TAF1C: variants seen among roughly 807,000 people sequenced by gnomAD.
The protein encoded by TAF1C is TATA-box binding protein associated factor, RNA polymerase I subunit C, also known as TATA box-binding protein-associated factor RNA polymerase I subunit C.
TAF1C carries 79 observed loss-of-function variants against 70.5 expected under a neutral mutation model. The ratio of observed to expected loss-of-function variants is 1.12; its 90% CI spans 0.93 to 1.35. TAF1C has a LOEUF of 1.35. Among genes scored for constraint, TAF1C ranks in the 40% most tolerant of loss-of-function variants. TAF1C has a pLI of 0.00. For synonymous variants in TAF1C, 614 were observed against 491.1 expected (o/e 1.25, Z -3.31); for missense variants, 1,412 against 1,127.8 (o/e 1.25, Z -3.61).
chr16:84,181,110 A>C lies in TAF1C; in HGVS notation c.1241T>G (p.Leu414Arg), dbSNP rs1217919289. The C allele has an allele frequency of 6.2e-7, 1 of 1,613,282 alleles. No homozygotes were observed. The highest frequency in any genetic ancestry group is 1.1e-5 in the South Asian group (1 of 91,080). Residue 414 changes from leucine (L) to arginine (R), a missense_variant, in exon 12 of 15, where the codon CTT becomes CGT. Physicochemically the swap from Leu to Arg is moderately radical, Grantham distance 102. Coordinates refer to ENST00000566732, the MANE Select transcript of TAF1C (RefSeq NM_001243156.2). ...ASCQKGERVL[L>R]TQYLGHSSPK... is the part of the protein sequence containing the mutation. ...GCTGGAGTGCCCCAGGTACTGGGTA[A>C]GCAGGACACGTTCCCCTTTCTGGCA...
At position 84,181,435 on chromosome 16, in the gene TAF1C, T is replaced by G. The variant is rs986299451; in HGVS notation, c.1057A>C (p.Thr353Pro). 14 of 1,613,444 alleles carry G rather than the reference T, an allele frequency of 8.7e-6. No homozygotes were observed. The Middle Eastern group carries it at 6.6e-4, about 76-fold the overall frequency. The change falls in exon 11 of 15, where the codon ACC (threonine) becomes CCC (proline). Residue 353 changes from threonine (T) to proline (P), a missense_variant. By Grantham distance (38) the Thr-to-Pro change is conservative. Transcript: ENST00000566732. The stretch of plus-strand genomic sequence containing the variant: ...GAAGAGGAGTCCCGGAACACGAGGG[T>G]CTCAGGGTCCCTGTAGATTTGCCGC... ...GLRQIYRDPE[T>P]LVFRDSSSWR...
rs757700008 is a variant in TAF1C at position 84,181,947 on chromosome 16, C to T, written c.833G>A (p.Gly278Glu). ...VRQVVTCTVQ[G>E]ETLLAVRSDY... ...AGTGTATATAAGGGCCTTACTTTCT[C>T]CCTGGACGGTGCATGTCACCACTTG... The change falls in exon 8 of 15, where the codon GGA (glycine) becomes GAA (glutamate). Residue 278 changes from glycine (G) to glutamate (E), a missense_variant. Physicochemically the swap from Gly to Glu is moderately conservative, Grantham distance 98. Transcript: ENST00000566732. 6.2e-7 allele frequency: 1 copy of T among 1,613,998 alleles called. No individual in the cohort carries two copies. Among genetic ancestry groups the T allele is most frequent in the Non-Finnish European group, 8.5e-7 (1 of 1,180,032 alleles).
Position 84,179,224 on chromosome 16 carries a change from T to C in TAF1C, c.2249A>G (p.His750Arg). 2 of 1,584,500 alleles carry C rather than the reference T, an allele frequency of 1.3e-6. No homozygotes were observed. Among genetic ancestry groups the C allele is most frequent in the South Asian group, 1.1e-5 (1 of 88,940 alleles). Residue 750 changes from histidine (H) to arginine (R), a missense_variant, in exon 15 of 15, where the codon CAT becomes CGT. His to Arg is a conservative substitution (Grantham distance 29). Coordinates refer to ENST00000566732, the MANE Select transcript of TAF1C (RefSeq NM_001243156.2). The part of the protein sequence containing the change: ...VDPSEDTSSP[H>R]SPEWPPADAL... ...ATCAGCAGGTGGCCACTCAGGGCTA[T>C]GAGGGGAGCTGGTGTCCTCTGAGGG...
At chr16:84,184,191 G>C (rs1204434123) in intron 2 of TAF1C, among the ~76,000 whole-genome samples, 1 of 152,160 alleles carries the variant, frequency 6.6e-6, no homozygotes, top group Admixed American at 6.5e-5. Context: ...GGGATGTTTC[G>C]GCCCAGACAT....
At chr16:84,181,704 T>C (rs1377943264) in intron 9 of TAF1C, 41 bp from the exon 10 acceptor site, 8 of 1,613,742 alleles carry the variant, frequency 5.0e-6, no homozygotes, top group Non-Finnish European at 6.8e-6. Context: ...TGCTCAGCCC[T>C]GCCTCCAGCC....
At position 84,183,796 on chromosome 16, in the gene TAF1C, G is replaced by C. The variant is rs201750494; in HGVS notation, c.139-18C>G. On this transcript the variant is annotated intron_variant, in intron 2 of 14. Transcript: ENST00000566732. ...GCCCCATTCTGAAGGGAGGACAATC[G>C]CAAGGACAGTATCATGATGAATGCC... 3.8e-6 allele frequency: 6 copies of C among 1,598,524 alleles called. No individual in the cohort carries two copies. Among genetic ancestry groups the C allele is most frequent in the African/African-American group, 1.3e-5 (1 of 74,674 alleles).
chr16:84,179,631 C>T lies in TAF1C; in HGVS notation c.1842G>A (p.Leu614=). Residue 614 remains leucine, a synonymous_variant, in exon 15 of 15, where the codon CTG becomes CTA. Coordinates refer to ENST00000566732, the MANE Select transcript of TAF1C (RefSeq NM_001243156.2). The part of the protein sequence containing the change: ...SQDTAGCSQW[L]KALLKVPLAP... ...CCAGGGGCACTTTTAGCAGGGCCTT[C>T]AGCCACTGGCTGCAGCCGGCAGTGT... is the stretch of plus-strand genomic sequence containing the variant. 2 of 1,612,584 alleles carry T rather than the reference C, an allele frequency of 1.2e-6. No homozygotes were observed. The highest frequency in any genetic ancestry group is 1.7e-6 in the Non-Finnish European group (2 of 1,179,880).
At position 84,179,546 on chromosome 16, in the gene TAF1C, G is replaced by T. The variant is rs1178560154; in HGVS notation, c.1927C>A (p.Leu643Met). The change falls in exon 15 of 15, where the codon CTG (leucine) becomes ATG (methionine). Residue 643 changes from leucine (L) to methionine (M), a missense_variant. Physicochemically the swap from Leu to Met is conservative, Grantham distance 15. Transcript: ENST00000566732. ...TGCCCTTCCTCTTCCTCCCTCCGCA[G>T]CTCTGTGCTGCCCAGCATCTGGCGG... ...THRQMLGSTE[L>M]RREEEEGQRL... 6.2e-7 allele frequency: 1 copy of T among 1,611,654 alleles called. No homozygotes were observed. The highest frequency in any genetic ancestry group is 1.7e-5 in the Admixed American group (1 of 60,006).
At chr16:84,186,329 G>A (rs1324718837) in intron 1 of TAF1C, among the ~76,000 whole-genome samples, 1 of 152,224 alleles carries the variant, frequency 6.6e-6, no homozygotes, top group South Asian at 2.1e-4. Context: ...CAAGGCGGGC[G>A]GATCACCTGA....
chr16:84,180,609 G>A, intron 12 of TAF1C: 1 of 582,830 alleles, frequency 1.7e-6, no homozygotes, highest in Non-Finnish European at 2.8e-6. Context: ...AGCCTTGCCA[G>A]CAGAAACCTG....
chr16:84,179,345 G>T lies in TAF1C; in HGVS notation c.2128C>A (p.Gln710Lys). The change falls in exon 15 of 15, where the codon CAG (glutamine) becomes AAG (lysine). Residue 710 changes from glutamine to lysine, a missense_variant. By Grantham distance (53) the Gln-to-Lys change is moderately conservative. Coordinates refer to ENST00000566732, the MANE Select transcript of TAF1C (RefSeq NM_001243156.2). Reference sequence around the variant, plus strand: ...CCGGGCTCCGAGGTCCTGCCCTGCTGCCTCTCCCACCAGGCAGCCCCTCGG... The same window carrying T: ...CCGGGCTCCGAGGTCCTGCCCTGCTTCCTCTCCCACCAGGCAGCCCCTCGG... ...AGRGAAWWER[Q>K]QGRTSEPGRQ... The T allele has an allele frequency of 1.2e-6, 2 of 1,601,358 alleles. No homozygotes were observed.
intron 1 of TAF1C, chr16:84,185,324 C>T (rs2089422482): frequency 5.2e-6 from 1 of 192,212 alleles, no homozygotes; most frequent in African/African-American, 2.3e-5. Context: ...AAGAGGGTTC[C>T]AGGCCGAACG....
chr16:84,180,502 GC>G, intron 12 of TAF1C, 158 bp from the exon 13 acceptor site: 1 of 754,334 alleles, frequency 1.3e-6, no homozygotes, highest in South Asian at 2.0e-5. Context: ...TCACCTGCCA[GC>G]CCTGAACAGG....
intron 1 of TAF1C, among the ~76,000 whole-genome samples, chr16:84,185,792 C>G (rs4150120): frequency 0.026 from 3,925 of 152,084 alleles, 148 homozygotes; most frequent in African/African-American, 0.09. Context: ...CCCAGCTACT[C>G]GGGAGGCTGA....
chr16:84,180,381 T>G (rs2089083591), intron 12 of TAF1C, 37 bp from the exon 13 acceptor site: 1 of 1,528,400 alleles, frequency 6.5e-7, no homozygotes, highest in Non-Finnish European at 8.7e-7. Flanking sequence ...TGGCCGAACT[T>G]GGGAGCTGAG....
rs1232220079 is a variant in TAF1C, at chr16:84,180,202, T to C, written c.1451A>G (p.Gln484Arg). The change falls in exon 13 of 15, where the codon CAG becomes CGG. Residue 484 changes from glutamine (Q) to arginine (R), a missense_variant. Gln to Arg is a conservative substitution (Grantham distance 43, BLOSUM62 1). Coordinates refer to ENST00000566732, the MANE Select transcript of TAF1C (RefSeq NM_001243156.2). Reference sequence around the variant, plus strand: ...GTGCAGCAGCTGCAGCTGCCCACCCTGGCCTCCGAGGAGCAGGGGCTGCAC... The same window carrying C: ...GTGCAGCAGCTGCAGCTGCCCACCCCGGCCTCCGAGGAGCAGGGGCTGCAC... Reference protein sequence around the residue: ...SCVQPLLLGGQGGQLQLLHLA... With the variant: ...SCVQPLLLGGRGGQLQLLHLA... 1.9e-5 allele frequency: 29 copies of C among 1,539,816 alleles called. No individual in the cohort carries two copies. Among genetic ancestry groups the C allele is most frequent in the Non-Finnish European group, 2.5e-5 (29 of 1,151,000 alleles).
rs1421915343 is a variant in TAF1C, at chr16:84,182,483, AG to A, written c.483-44del. The A allele has an allele frequency of 6.5e-7, 1 of 1,547,762 alleles. No homozygotes were observed. Among genetic ancestry groups the A allele is most frequent in the Non-Finnish European group, 8.7e-7 (1 of 1,145,064 alleles). ...GCAGGAGGATCACTCGGTGGCACTC[AG>A]GGGAGGACAGGTCCCATCCCAAGGA... On this transcript the variant is annotated intron_variant, in intron 6 of 14. Coordinates refer to ENST00000566732, the MANE Select transcript of TAF1C (RefSeq NM_001243156.2). This position sits in a 1 kb window ranked among gnomAD's most constrained non-coding sequence, Gnocchi z 5.0.
rs1482696578 is a variant in TAF1C, at chr16:84,179,537, C to T, written c.1936G>A (p.Glu646Lys). 1 of 1,608,650 alleles carries T rather than the reference C, an allele frequency of 6.2e-7. No individual in the cohort carries two copies. The highest frequency in any genetic ancestry group is 8.5e-7 in the Non-Finnish European group (1 of 1,177,390). ...CCCAGCCGCTGCCCTTCCTCTTCCT[C>T]CCTCCGCAGCTCTGTGCTGCCCAGC... ...QMLGSTELRREEEEGQRLGVL... is the reference protein window; with the variant it reads ...QMLGSTELRRKEEEGQRLGVL... Residue 646 changes from glutamate to lysine, a missense_variant, in exon 15 of 15, where the codon GAG becomes AAG. Glu to Lys is a moderately conservative substitution (Grantham distance 56). Coordinates refer to ENST00000566732, the MANE Select transcript of TAF1C (RefSeq NM_001243156.2).
chr16:84,186,050 C>A (rs1421575782), intron 1 of TAF1C, among the ~76,000 whole-genome samples: 1 of 152,246 alleles, frequency 6.6e-6, no homozygotes, highest in Non-Finnish European at 1.5e-5. Context: ...CATCTATCTG[C>A]CAGGCACATG....
Sources: allele counts gnomAD v4.1 joint callset (sites outside exome capture counted in the v4.1 genomes callset), GRCh38; gene constraint gnomAD v4.1.1; non-coding constraint Gnocchi (gnomAD v3.1); transcripts MANE v1.5; gene names NCBI Gene and HGNC (gene_info 2026-07-23, HGNC 2026-07-21).